Variants in FRMPD1 observed in about 807,000 individuals in gnomAD.
The protein encoded by FRMPD1 is FERM and PDZ domain containing 1.
In FRMPD1, 76 loss-of-function variants were observed where a neutral mutation model predicts 117.8. The observed-to-expected ratio is 0.65, with a 90% CI of 0.54 to 0.78. The LOEUF is 0.78. Ranked by LOEUF, FRMPD1 falls within the 30% of genes least tolerant of loss-of-function variation. The pLI, the probability that FRMPD1 is intolerant of heterozygous loss-of-function variation, is 0.00. For synonymous variants in FRMPD1, 783 were observed against 770.4 expected (o/e 1.02, Z -0.27); for missense variants, 1,786 against 1,964.5 (o/e 0.91, Z 1.72).
intron 1 of FRMPD1, among the ~76,000 whole-genome samples, chr9:37,688,041 G>A (rs1822008320): frequency 6.6e-6 from 1 of 152,008 alleles, no homozygotes; most frequent in African/African-American, 2.4e-5. Flanking sequence ...ATTGTTAACT[G>A]TGTTAACCTC....
At chr9:37,663,416 G>T (rs906855283) in intron 1 of FRMPD1, among the ~76,000 whole-genome samples, 4 of 152,124 alleles carry the variant, frequency 2.6e-5, no homozygotes, top group African/African-American at 9.7e-5. Context: ...CTCAGCATGG[G>T]AATTAGGCTT....
At chr9:37,604,157 T>C in the FRMPD1 span, among the ~76,000 whole-genome samples, 3,280 of 152,262 alleles carry the variant, frequency 0.022, 134 homozygotes, top group African/African-American at 0.075. Flanking sequence ...CTATGAACTA[T>C]AAAATCATAA....
In FRMPD1 at chr9:37,688,185, A is replaced by G. The variant is rs115621363; in HGVS notation, c.-4-4453A>G. Among the ~76,000 whole-genome samples, 660 of 150,902 alleles carry G rather than the reference A, an allele frequency of 4.4e-3. 2 individuals are homozygous for G. The highest frequency in any genetic ancestry group is 0.015 in the African/African-American group (611 of 41,342). ...AGAAATATATTTTTATATGGGAAACATATATACAAGTATATACATTTCCTA... is the reference window on the plus strand; with the variant it reads ...AGAAATATATTTTTATATGGGAAACGTATATACAAGTATATACATTTCCTA... On this transcript the variant is annotated intron_variant, in intron 1 of 15. Coordinates refer to ENST00000377765, the MANE Select transcript of FRMPD1 (RefSeq NM_014907.3).
intron 14 of FRMPD1, 113 bp from the exon 15 acceptor site, chr9:37,739,965 C>T: frequency 1.3e-6 from 1 of 783,304 alleles, no homozygotes. Context: ...GGCCAGCCAC[C>T]CTCTGGCCCT....
intron 5 of FRMPD1, chr9:37,715,805 A>AT (rs945328796): frequency 8.3e-4 from 332 of 400,146 alleles, no homozygotes; most frequent in South Asian, 1.1e-3. Context: ...TCATGTCAGC[A>AT]TTTTTTTTTC....
Position 37,740,597 on chromosome 9 carries a change from G to A in FRMPD1, c.2069G>A (p.Ser690Asn), listed in dbSNP as rs145208809. 2,426 of 1,614,228 alleles carry A rather than the reference G, an allele frequency of 1.5e-3. 6 individuals carry two copies. Among genetic ancestry groups the A allele is most frequent in the Non-Finnish European group, 1.9e-3 (2,189 of 1,180,038 alleles). ...ACATTTGGCTGGGCACCAGAACTGA[G>A]CACAGTCAGGCTGGACCCCAGGCTG... ...LETFGWAPEL[S>N]TVRLDPRLYE... The change falls in exon 15 of 16, where the codon AGC becomes AAC. Residue 690 changes from serine to asparagine, a missense_variant. By Grantham distance (46) the Ser-to-Asn change is conservative. Coordinates refer to ENST00000377765, the MANE Select transcript of FRMPD1 (RefSeq NM_014907.3). This position sits in a 1 kb window ranked among gnomAD's most constrained non-coding sequence, Gnocchi z 4.2.
the FRMPD1 span, chr9:37,637,000 GT>G: frequency 6.4e-7 from 1 of 1,568,292 alleles, no homozygotes; most frequent in South Asian, 1.1e-5. Context: ...ACTGCTTCAC[GT>G]TGGCATAGGA....
chr9:37,692,221 T>C (rs1822164128), intron 1 of FRMPD1, among the ~76,000 whole-genome samples: 2 of 152,180 alleles, frequency 1.3e-5, no homozygotes, highest in South Asian at 4.1e-4. Context: ...CACAATGTGA[T>C]GAAGAATGCT....
chr9:37,722,102 A>T (rs1371398350), intron 6 of FRMPD1, among the ~76,000 whole-genome samples: 1 of 152,200 alleles, frequency 6.6e-6, no homozygotes, highest in African/African-American at 2.4e-5. Flanking sequence ...AGAGCCAGAG[A>T]AGTAAGATGG....
intron 2 of FRMPD1, among the ~76,000 whole-genome samples, chr9:37,701,730 A>G (rs1563938814): frequency 1.3e-5 from 2 of 152,160 alleles, no homozygotes; most frequent in Admixed American, 6.5e-5. Flanking sequence ...GGATTATGCC[A>G]TTCAGTCAGG....
chr9:37,711,278 C>T, intron 4 of FRMPD1, 72 bp from the exon 5 acceptor site: 1 of 940,962 alleles, frequency 1.1e-6, no homozygotes, highest in Non-Finnish European at 1.8e-6. Flanking sequence ...CATGCTCACA[C>T]ATGTATGCAT....
chr9:37,658,906 A>G (rs1820917801), intron 1 of FRMPD1, among the ~76,000 whole-genome samples: 1 of 152,136 alleles, frequency 6.6e-6, no homozygotes, highest in Non-Finnish European at 1.5e-5. Context: ...TGGCTCTGTC[A>G]CCCAGGCTGG....
At chr9:37,620,411 C>G in the FRMPD1 span, among the ~76,000 whole-genome samples, 314 of 152,200 alleles carry the variant, frequency 2.1e-3, no homozygotes, top group African/African-American at 7.0e-3. Context: ...CCATATTCTT[C>G]ACAGGGCTGC....
At chr9:37,686,714 T>A (rs1488775842) in intron 1 of FRMPD1, among the ~76,000 whole-genome samples, 1 of 152,228 alleles carries the variant, frequency 6.6e-6, no homozygotes, top group East Asian at 1.9e-4. Context: ...TTAGCTAAAT[T>A]ATATTTGGCA....
intron 1 of FRMPD1, among the ~76,000 whole-genome samples, chr9:37,656,871 A>G (rs996150767): frequency 6.6e-6 from 1 of 152,164 alleles, no homozygotes; most frequent in Non-Finnish European, 1.5e-5. Context: ...TGGGCCACCA[A>G]TCCTTTCCCA....
At chr9:37,703,120 C>A (rs1406966292) in intron 2 of FRMPD1, among the ~76,000 whole-genome samples, 1 of 152,040 alleles carries the variant, frequency 6.6e-6, no homozygotes, top group African/African-American at 2.4e-5. Flanking sequence ...CCTTTGTGGT[C>A]ATCAGTTCAA....
intron 1 of FRMPD1, among the ~76,000 whole-genome samples, chr9:37,659,475 G>A (rs1479970904): frequency 6.6e-6 from 1 of 152,142 alleles, no homozygotes; most frequent in African/African-American, 2.4e-5. Flanking sequence ...AGCATGCTAT[G>A]GCGAGTCCAG....
intron 5 of FRMPD1, among the ~76,000 whole-genome samples, chr9:37,712,484 T>A (rs1822945444): frequency 6.6e-6 from 1 of 152,202 alleles, no homozygotes; most frequent in African/African-American, 2.4e-5. Flanking sequence ...ACTTCCCAAG[T>A]AGCTGGGATT....
rs967395709 is a variant in FRMPD1 at position 37,733,737 on chromosome 9, T to G, written c.1130T>G (p.Ile377Ser). 3 of 1,603,910 alleles carry G rather than the reference T, an allele frequency of 1.9e-6. No homozygotes were observed. Among genetic ancestry groups the G allele is most frequent in the Non-Finnish European group, 2.6e-6 (3 of 1,170,674 alleles). ...TTTTTTTTCTCTATTAAGCAACTTA[T>G]TTCTGCTGCCCAGCTACGTTTAAAT... ...NLLEPRQKQL[I>S]SAAQLRLNYL... Residue 377 changes from isoleucine to serine, a missense_variant, in exon 12 of 16, where the codon ATT (isoleucine) becomes AGT (serine). Transcript: ENST00000377765.
Sources: gnomAD v4.1 joint callset for allele counts (sites outside exome capture counted in the v4.1 genomes callset) on GRCh38, gnomAD v4.1.1 for gene constraint, Gnocchi (gnomAD v3.1) non-coding constraint, MANE v1.5 for transcripts, NCBI Gene and HGNC (gene_info 2026-07-23, HGNC 2026-07-21) for gene names.